The following DLG2 variants were observed in gnomAD, a reference collection of about 807,000 sequenced individuals.
DLG2 encodes the protein discs large MAGUK scaffold protein 2.
Under a neutral mutation model 132.5 loss-of-function variants are expected in DLG2, and 45 were observed. That is an observed-to-expected ratio of 0.34 (90% CI 0.27 to 0.44). The LOEUF is 0.44. DLG2 is among the 20% of genes least tolerant of loss of function. The pLI is 1.00. For missense variants in DLG2, 1,045 were observed against 1,196.9 expected, an observed-to-expected ratio of 0.87 and a Z score of 1.87; for synonymous variants, 424 against 419.6, an observed-to-expected ratio of 1.01 and a Z score of -0.13.
chr11:83,715,727 C>A (rs2153671687), intron 18 of DLG2, among the ~76,000 whole-genome samples: 1 of 152,320 alleles, frequency 6.6e-6, no homozygotes, highest in East Asian at 1.9e-4. Flanking sequence ...TCCTAGCAAT[C>A]CAGGCCCGAC....
At chr11:84,305,801 C>G (rs1038357483) in intron 7 of DLG2, among the ~76,000 whole-genome samples, 1 of 152,002 alleles carries the variant, frequency 6.6e-6, no homozygotes, top group Admixed American at 6.6e-5. Context: ...TGAGATTTGA[C>G]ACAATATCAG....
At chr11:85,547,682 T>A (rs2076419031) in intron 3 of DLG2, among the ~76,000 whole-genome samples, 1 of 152,160 alleles carries the variant, frequency 6.6e-6, no homozygotes, top group South Asian at 2.1e-4. Context: ...TTTGTTCGTT[T>A]CTTTTCACTC....
At chr11:84,256,772 G>T (rs1305345708) in intron 7 of DLG2, among the ~76,000 whole-genome samples, 1 of 152,136 alleles carries the variant, frequency 6.6e-6, no homozygotes, top group African/African-American at 2.4e-5. Context: ...AAACAAAATG[G>T]AAGCCACTGA....
At chr11:83,569,997 C>G (rs2096771854) in intron 19 of DLG2, among the ~76,000 whole-genome samples, 1 of 152,196 alleles carries the variant, frequency 6.6e-6, no homozygotes, top group South Asian at 2.1e-4. Context: ...AGAGAATGAG[C>G]TAAGCTTATC....
At chr11:85,095,116 G>A (rs1420945855) in intron 6 of DLG2, among the ~76,000 whole-genome samples, 1 of 152,070 alleles carries the variant, frequency 6.6e-6, no homozygotes, top group Non-Finnish European at 1.5e-5. Flanking sequence ...TCCTATATGG[G>A]CACATTTTAT....
At chr11:84,408,995 T>A (rs1274539846) in intron 7 of DLG2, among the ~76,000 whole-genome samples, 1 of 152,190 alleles carries the variant, frequency 6.6e-6, no homozygotes, top group Non-Finnish European at 1.5e-5. Flanking sequence ...CTCTAAAGTT[T>A]AAAATCCTCC....
At chr11:85,553,116 G>A (rs2076758660) in intron 3 of DLG2, among the ~76,000 whole-genome samples, 1 of 109,558 alleles carries the variant, frequency 9.1e-6, no homozygotes, top group South Asian at 3.5e-4. Flanking sequence ...GCCAGGCACT[G>A]TTTTAGTTCC....
chr11:85,517,479 A>C (rs1195642102), intron 3 of DLG2, among the ~76,000 whole-genome samples: 1 of 152,214 alleles, frequency 6.6e-6, no homozygotes, highest in Non-Finnish European at 1.5e-5. Flanking sequence ...ATTGAAAAAG[A>C]GGAAGTCAAA....
intron 6 of DLG2, among the ~76,000 whole-genome samples, chr11:84,835,014 C>T (rs2079553803): frequency 6.6e-6 from 1 of 151,594 alleles, no homozygotes; most frequent in South Asian, 2.1e-4. Flanking sequence ...GTGTGATGTG[C>T]ACCTACCTCT....
chr11:83,722,969 A>C (rs7948906), intron 18 of DLG2, among the ~76,000 whole-genome samples: 40,697 of 152,068 alleles, frequency 0.27, 6,704 homozygotes, highest in African/African-American at 0.47. Context: ...AATTTTATTT[A>C]TGGCCCCTAC....
At chr11:84,506,693 T>C (rs538666089) in intron 7 of DLG2, among the ~76,000 whole-genome samples, 155 of 152,192 alleles carry the variant, frequency 1.0e-3, no homozygotes, top group Non-Finnish European at 1.9e-3. Flanking sequence ...ACCATGAAGC[T>C]TGTGGTAACT....
At chr11:84,526,292 G>A (rs1226081402) in intron 7 of DLG2, among the ~76,000 whole-genome samples, 2 of 152,058 alleles carry the variant, frequency 1.3e-5, no homozygotes, top group African/African-American at 4.8e-5. Flanking sequence ...TTTTAATAAT[G>A]CTGACAAAAT....
chr11:83,620,184 C>A lies in DLG2; in HGVS notation c.1940+13027G>T, dbSNP rs2061410025. Among the ~76,000 whole-genome samples the A allele has an allele frequency of 2.0e-5, 3 of 151,984 alleles. No homozygotes were observed. The South Asian group carries it at 6.2e-4, about 31-fold the overall frequency. On this transcript the variant is annotated intron_variant, in intron 19 of 27. Coordinates refer to ENST00000376104, the MANE Select transcript of DLG2 (RefSeq NM_001142699.3). The stretch of plus-strand genomic sequence containing the variant: ...AAGGGGAAAAAGTACATGAGGTAAG[C>A]AATCTGGTTTGAAACAATGTAGAAT...
At chr11:83,516,623 C>T (rs1441537414) in intron 21 of DLG2, among the ~76,000 whole-genome samples, 13 of 152,128 alleles carry the variant, frequency 8.5e-5, no homozygotes, top group African/African-American at 2.7e-4. Context: ...TTAGCCTCAA[C>T]GGTCTTTACA....
chr11:85,527,289 A>G (rs1366398071), intron 3 of DLG2, among the ~76,000 whole-genome samples: 1 of 151,568 alleles, frequency 6.6e-6, no homozygotes, highest in African/African-American at 2.4e-5. Flanking sequence ...TCGACCCATC[A>G]TCTAGGTTTT....
intron 17 of DLG2, among the ~76,000 whole-genome samples, chr11:83,797,809 C>T (rs1032961008): frequency 2.9e-4 from 44 of 152,318 alleles, no homozygotes; most frequent in African/African-American, 9.9e-4. Context: ...TGAGCCACTG[C>T]ACCCGGCCGC....
intron 10 of DLG2, among the ~76,000 whole-genome samples, chr11:84,079,810 G>A (rs1490071690): frequency 6.6e-6 from 1 of 152,042 alleles, no homozygotes; most frequent in Non-Finnish European, 1.5e-5. Flanking sequence ...TTCACCTTGT[G>A]CCAGTCTGCA....
chr11:84,163,398 A>C (rs1015821408), intron 9 of DLG2, 63 bp downstream of exon 9: 41 of 1,419,136 alleles, frequency 2.9e-5, no homozygotes, highest in Non-Finnish European at 3.8e-5. Context: ...ACAACTCATT[A>C]AGATTAGAAT....
chr11:84,934,504 GT>G lies in DLG2; in HGVS notation c.357+177156del, dbSNP rs113436905. On this transcript the variant is annotated intron_variant, in intron 6 of 27. Transcript: ENST00000376104. ...TCTGTGAATCTGTATGGTCCTGGGT[GT>G]TTTTTTTTTGTTTTGTTTTGTTTTT... Among the ~76,000 whole-genome samples, 6 of 33,880 alleles carry G rather than the reference GT, an allele frequency of 1.8e-4. 1 individual carries two copies. The highest frequency in any genetic ancestry group is 1.1e-3 in the South Asian group (1 of 910). 22.2% of individuals were successfully genotyped at this position (33,880 alleles called of 152,430 possible).
Sources: allele counts gnomAD v4.1 joint callset (sites outside exome capture counted in the v4.1 genomes callset), GRCh38; gene constraint gnomAD v4.1.1; transcripts MANE v1.5; gene names NCBI Gene and HGNC (gene_info 2026-07-23, HGNC 2026-07-21).